The following PPP1R36 variants were observed in gnomAD, a reference collection of about 807,000 sequenced individuals.
The protein encoded by PPP1R36 is chromosome 14 open reading frame 50.
A neutral mutation model predicts 53.4 loss-of-function variants in PPP1R36; 47 were observed. The ratio of observed to expected loss-of-function variants is 0.88; its 90% CI spans 0.70 to 1.12. The LOEUF is 1.12. PPP1R36 is among the 50% of genes most tolerant of loss of function. The pLI is 0.00. For missense variants in PPP1R36, 456 were observed against 513.9 expected (o/e 0.89, Z 1.09); for synonymous variants, 153 against 170.5 (o/e 0.90, Z 0.80).
At chr14:64,557,750 G>A (rs907292780) in intron 3 of PPP1R36, among the ~76,000 whole-genome samples, 6 of 152,122 alleles carry the variant, frequency 3.9e-5, no homozygotes, top group African/African-American at 1.2e-4. Context: ...AGTGGCTCAC[G>A]CCTGTAATCC....
intron 4 of PPP1R36, among the ~76,000 whole-genome samples, 177 bp downstream of exon 4, chr14:64,565,014 T>A (rs2080238156): frequency 6.6e-6 from 1 of 152,236 alleles, no homozygotes; most frequent in Non-Finnish European, 1.5e-5. Flanking sequence ...ATAGTCCCGA[T>A]AAATGTATCC....
intron 1 of PPP1R36, 135 bp from the exon 2 acceptor site, chr14:64,550,786 C>T: frequency 1.6e-6 from 1 of 639,114 alleles, no homozygotes; most frequent in Non-Finnish European, 2.7e-6. Flanking sequence ...CTAGTAGGAA[C>T]CATTGTTTTT....
At chr14:64,562,733 C>A (rs552322120) in intron 3 of PPP1R36, among the ~76,000 whole-genome samples, 2 of 152,252 alleles carry the variant, frequency 1.3e-5, no homozygotes, top group South Asian at 4.1e-4. Flanking sequence ...GTTTCTAACA[C>A]TGGGACATGG....
rs201485485 is a variant in PPP1R36 at position 64,559,841 on chromosome 14, C to T, written c.183-4910C>T. On this transcript the variant is annotated intron_variant, in intron 3 of 11. Transcript: ENST00000298705. ...TCTTAGGCCCGGGTGTGGTGGCTCA[C>T]GCCTGTAATCCCAGCACTTTGGGAG... Among the ~76,000 whole-genome samples the T allele has an allele frequency of 1.2e-4, 18 of 152,284 alleles. No homozygotes were observed. In the East Asian group the frequency reaches 2.5e-3, roughly 21 times the overall value.
At chr14:64,575,582 A>G (rs1038919913) in intron 8 of PPP1R36, among the ~76,000 whole-genome samples, 1 of 151,558 alleles carries the variant, frequency 6.6e-6, no homozygotes, top group Non-Finnish European at 1.5e-5. Context: ...ATATTTACCT[A>G]GAAAGCCACA....
chr14:64,579,186 G>A (rs951505068), intron 8 of PPP1R36, among the ~76,000 whole-genome samples: 4 of 152,158 alleles, frequency 2.6e-5, no homozygotes, highest in African/African-American at 9.7e-5. Context: ...CCTGAGCGAT[G>A]TGATAATACG....
chr14:64,556,540 T>C (rs1596724375), intron 3 of PPP1R36, among the ~76,000 whole-genome samples: 1 of 151,880 alleles, frequency 6.6e-6, no homozygotes, highest in Admixed American at 6.6e-5. Context: ...AGTGGGAGGA[T>C]TGCTTGAACC....
chr14:64,552,668 A>G, intron 2 of PPP1R36, 146 bp from the exon 3 acceptor site: 2 of 617,222 alleles, frequency 3.2e-6, no homozygotes, highest in Non-Finnish European at 5.8e-6. Flanking sequence ...ATATAATGAC[A>G]TGTTTCATGA....
At chr14:64,572,539 C>T (rs985168699) in intron 7 of PPP1R36, among the ~76,000 whole-genome samples, 5 of 151,412 alleles carry the variant, frequency 3.3e-5, no homozygotes, top group African/African-American at 7.3e-5. Flanking sequence ...TTTTCCATTT[C>T]AACACATCAG....
chr14:64,569,663 TA>T (rs2080287881), intron 7 of PPP1R36, among the ~76,000 whole-genome samples: 1 of 152,192 alleles, frequency 6.6e-6, no homozygotes, highest in Non-Finnish European at 1.5e-5. Context: ...TTTGGCTTAT[TA>T]CATTTTTTTA....
intron 7 of PPP1R36, among the ~76,000 whole-genome samples, chr14:64,571,724 CAT>C (rs1416150475): frequency 1.3e-5 from 2 of 152,146 alleles, no homozygotes; most frequent in Non-Finnish European, 2.9e-5. Flanking sequence ...CTAATAAAGA[CAT>C]ACCCAACTGG....
chr14:64,587,434 T>C (rs1293967710), intron 10 of PPP1R36, 62 bp downstream of exon 10: 8 of 820,570 alleles, frequency 9.7e-6, no homozygotes, highest in Non-Finnish European at 1.4e-5. Context: ...CTTTCTTTTC[T>C]TTTCTTTTTT....
chr14:64,587,448 C>CTTTTTTTTTTT lies in PPP1R36; in HGVS notation c.890+96_890+106dup, dbSNP rs10708900. 90 of 111,006 alleles carry CTTTTTTTTTTT rather than the reference C, an allele frequency of 8.1e-4. 8 individuals carry two copies. Among genetic ancestry groups the CTTTTTTTTTTT allele is most frequent in the Admixed American group, 9.7e-4 (4 of 4,120 alleles). 6.9% of individuals were successfully genotyped at this position (111,006 alleles called of 1,614,324 possible). A position where few individuals can be genotyped will look rare whatever the true frequency, so the allele number is the denominator to read the frequency against. On this transcript the variant is annotated intron_variant, in intron 10 of 11. Coordinates refer to ENST00000298705, the MANE Select transcript of PPP1R36 (RefSeq NM_172365.3). ...CCTTTCTTTTCTTTTCTTTTTTCTC[C>CTTTTTTTTTTT]TTTTTTTTTTTTTTTTTTTTTTTTT...
Position 64,549,979 on chromosome 14 carries a change from T to C in PPP1R36, c.-19T>C, listed in dbSNP as rs2080080425. On this transcript the variant is annotated 5_prime_UTR_variant, in exon 1 of 12. An upstream start codon of the reference 5' UTR is lost. Coordinates refer to ENST00000298705, the MANE Select transcript of PPP1R36 (RefSeq NM_172365.3). ...GGGCGGTATCCTCGGCGACGCCGTA[T>C]GGCTTCCAGGGCGAGGCCATGTACC... 3 of 1,557,524 alleles carry C rather than the reference T, an allele frequency of 1.9e-6. No homozygotes were observed. The highest frequency in any genetic ancestry group is 2.6e-6 in the Non-Finnish European group (3 of 1,150,364).
At chr14:64,580,287 G>C (rs562938632) in intron 8 of PPP1R36, among the ~76,000 whole-genome samples, 1 of 152,162 alleles carries the variant, frequency 6.6e-6, no homozygotes. Flanking sequence ...CCTGGTGACA[G>C]AACAACACCC....
At chr14:64,589,060 A>G (rs2080462144) in intron 11 of PPP1R36, 92 bp from the exon 12 acceptor site, 1 of 875,944 alleles carries the variant, frequency 1.1e-6, no homozygotes, top group Non-Finnish European at 1.8e-6. Flanking sequence ...ATACACACAC[A>G]CATACATACA....
intron 8 of PPP1R36, among the ~76,000 whole-genome samples, chr14:64,583,982 C>T (rs2080411482): frequency 6.8e-6 from 1 of 147,890 alleles, no homozygotes; most frequent in Non-Finnish European, 1.5e-5. Context: ...CTCACTGCAA[C>T]CTCCGCCTCC....
At chr14:64,572,153 GA>G (rs1424407863) in intron 7 of PPP1R36, among the ~76,000 whole-genome samples, 2 of 152,120 alleles carry the variant, frequency 1.3e-5, no homozygotes, top group African/African-American at 2.4e-5. Flanking sequence ...AATTTTGGAT[GA>G]TTTTTTTAAA....
intron 8 of PPP1R36, among the ~76,000 whole-genome samples, chr14:64,582,211 T>C (rs921432845): frequency 6.6e-6 from 1 of 152,222 alleles, no homozygotes; most frequent in African/African-American, 2.4e-5. Context: ...CACTCTTGTA[T>C]AGAGCAGGCC....
Sources: allele counts gnomAD v4.1 joint callset (sites outside exome capture counted in the v4.1 genomes callset), GRCh38; gene constraint gnomAD v4.1.1; transcripts MANE v1.5; gene names NCBI Gene and HGNC (gene_info 2026-07-23, HGNC 2026-07-21).